Variants in ACKR2 observed in about 807,000 individuals in gnomAD.
The protein encoded by ACKR2 is C-C chemokine receptor D6.
For missense variants in ACKR2, 457 were observed against 477.3 expected, an observed-to-expected ratio of 0.96 and a Z score of 0.40; for synonymous variants, 207 against 192.2, an observed-to-expected ratio of 1.08 and a Z score of -0.64.
At chr3:42,834,386 G>A (rs912513277) in intron 2 of ACKR2, among the ~76,000 whole-genome samples, 2 of 151,348 alleles carry the variant, frequency 1.3e-5, no homozygotes, top group Admixed American at 6.6e-5. Flanking sequence ...CTTTTTTTTC[G>A]GTAGGGAAGA....
At chr3:42,828,273 C>T (rs1277553461) in intron 2 of ACKR2, among the ~76,000 whole-genome samples, 3 of 151,758 alleles carry the variant, frequency 2.0e-5, no homozygotes, top group Non-Finnish European at 1.5e-5. Flanking sequence ...CCACGCCCAG[C>T]TGATTTTTGT....
At chr3:42,857,145 C>A (rs1430644284) in intron 2 of ACKR2, among the ~76,000 whole-genome samples, 5 of 151,968 alleles carry the variant, frequency 3.3e-5, no homozygotes, top group Non-Finnish European at 7.4e-5. Context: ...CCTATGCCTT[C>A]CTGTCATCTA....
intron 2 of ACKR2, among the ~76,000 whole-genome samples, chr3:42,846,173 C>T (rs1233077451): frequency 6.6e-6 from 1 of 151,748 alleles, no homozygotes; most frequent in Non-Finnish European, 1.5e-5. Flanking sequence ...ATGTAAGCAT[C>T]AGCATTATTG....
chr3:42,840,795 C>T (rs1701029424), intron 2 of ACKR2, among the ~76,000 whole-genome samples: 1 of 152,210 alleles, frequency 6.6e-6, no homozygotes. Flanking sequence ...TCAAGCAATT[C>T]CCCTGCCTCA....
At chr3:42,816,775 C>G (rs1041998694) in intron 1 of ACKR2, among the ~76,000 whole-genome samples, 2 of 152,052 alleles carry the variant, frequency 1.3e-5, no homozygotes, top group Non-Finnish European at 2.9e-5. Flanking sequence ...CCAGGCTGGT[C>G]TCAAACTCCT....
chr3:42,838,682 T>C (rs1701007161), intron 2 of ACKR2, among the ~76,000 whole-genome samples: 1 of 152,248 alleles, frequency 6.6e-6, no homozygotes, highest in African/African-American at 2.4e-5. Flanking sequence ...CCATTCAACA[T>C]AGTCACTCTA....
intron 2 of ACKR2, among the ~76,000 whole-genome samples, chr3:42,857,075 A>T (rs189755983): frequency 6.6e-6 from 1 of 152,090 alleles, no homozygotes; most frequent in East Asian, 1.9e-4. Flanking sequence ...GGTCCACCCC[A>T]ATCCCATGCT....
At chr3:42,854,490 G>A (rs11129980) in intron 2 of ACKR2, among the ~76,000 whole-genome samples, 6 of 151,698 alleles carry the variant, frequency 4.0e-5, no homozygotes, top group Admixed American at 1.3e-4. Flanking sequence ...AAGGGAGTGT[G>A]GGGGGGAAGG....
At chr3:42,823,927 G>A (rs1003001403) in intron 2 of ACKR2, among the ~76,000 whole-genome samples, 5 of 152,058 alleles carry the variant, frequency 3.3e-5, no homozygotes, top group East Asian at 3.9e-4. Context: ...TCGTCCCTTC[G>A]TATCCACAGG....
At chr3:42,825,603 G>C (rs182868948) in intron 2 of ACKR2, among the ~76,000 whole-genome samples, 1 of 150,824 alleles carries the variant, frequency 6.6e-6, no homozygotes, top group East Asian at 1.9e-4. Flanking sequence ...GTGTGTGTGC[G>C]TGTGTGTGTG....
chr3:42,856,069 G>T (rs2088315016), intron 2 of ACKR2: 2 of 332,434 alleles, frequency 6.0e-6, no homozygotes, highest in Non-Finnish European at 1.1e-5. Context: ...CCCAGCACCA[G>T]CCATGTGCTA....
chr3:42,828,269 C>T (rs1485339590), intron 2 of ACKR2, among the ~76,000 whole-genome samples: 1 of 151,724 alleles, frequency 6.6e-6, no homozygotes, highest in African/African-American at 2.4e-5. Context: ...GCCACCACGC[C>T]CAGCTGATTT....
intron 2 of ACKR2, among the ~76,000 whole-genome samples, chr3:42,849,239 T>C (rs11129979): frequency 0.43 from 65,050 of 152,004 alleles, 14,457 homozygotes; most frequent in East Asian, 0.69. Flanking sequence ...CTGTGGCTCG[T>C]GGCTAGAATC....
rs1012694413 is a variant in ACKR2 at position 42,851,262 on chromosome 3, TG to T, written c.-37-13200del. The T allele has an allele frequency of 7.0e-5, 48 of 685,758 alleles. No individual in the cohort carries two copies. In the African/African-American group the frequency reaches 9.3e-4, roughly 13 times the overall value. 42.5% of individuals were successfully genotyped at this position (685,758 alleles called of 1,614,324 possible). The stretch of plus-strand genomic sequence containing the variant: ...ATGGCTATGCAGCTGAGATGAGGGC[TG>T]GGGCAAGGGCAAAGGGATTTTTTTT... On this transcript the variant is annotated intron_variant, in intron 2 of 2. Coordinates refer to ENST00000422265, the MANE Select transcript of ACKR2 (RefSeq NM_001296.5).
chr3:42,845,736 C>A (rs1185960053), intron 2 of ACKR2, among the ~76,000 whole-genome samples: 3 of 151,282 alleles, frequency 2.0e-5, no homozygotes, highest in Non-Finnish European at 4.4e-5. Flanking sequence ...GTCATCCCAG[C>A]TACTTGGGAG....
intron 1 of ACKR2, among the ~76,000 whole-genome samples, chr3:42,812,149 G>A (rs892106297): frequency 4.6e-5 from 7 of 152,116 alleles, no homozygotes; most frequent in African/African-American, 1.2e-4. Flanking sequence ...TCCACCTGAC[G>A]AGGAATACCC....
intron 2 of ACKR2, among the ~76,000 whole-genome samples, chr3:42,820,155 C>T (rs933407244): frequency 2.6e-5 from 4 of 152,106 alleles, no homozygotes; most frequent in African/African-American, 7.2e-5. Flanking sequence ...ACAGTAAGAA[C>T]AGGATAATGG....
At chr3:42,820,880 A>G (rs991888417) in intron 2 of ACKR2, among the ~76,000 whole-genome samples, 1 of 146,034 alleles carries the variant, frequency 6.8e-6, no homozygotes, top group East Asian at 2.3e-4. Context: ...CAGTTCATCA[A>G]TAGTTTTTTT....
intron 2 of ACKR2, among the ~76,000 whole-genome samples, chr3:42,846,453 C>T (rs985349268): frequency 2.6e-5 from 4 of 152,234 alleles, no homozygotes; most frequent in African/African-American, 9.6e-5. Context: ...CTGCAAACAC[C>T]AACTTCCTAG....
Sources: allele counts gnomAD v4.1 joint callset (sites outside exome capture counted in the v4.1 genomes callset), GRCh38; gene constraint gnomAD v4.1.1; transcripts MANE v1.5; gene names NCBI Gene and HGNC (gene_info 2026-07-23, HGNC 2026-07-21).